PAPPA2: variants seen among roughly 807,000 people sequenced by gnomAD.
PAPPA2 encodes pappalysin 2, also known as pappalysin-2.
PAPPA2 carries 86 observed loss-of-function variants against 176.4 expected under a neutral mutation model. That is an observed-to-expected ratio of 0.49 (90% CI 0.41 to 0.58). PAPPA2 has a LOEUF of 0.58. Among genes scored for constraint, PAPPA2 ranks in the 20% least tolerant of loss-of-function variants. The pLI, the probability that PAPPA2 is intolerant of heterozygous loss-of-function variation, is 0.00. For missense variants in PAPPA2, 2,073 were observed against 2,256.9 expected (o/e 0.92, Z 1.65); for synonymous variants, 809 against 852.2 (o/e 0.95, Z 0.88).
At chr1:176,694,382 C>A (rs978695640) in intron 6 of PAPPA2, among the ~76,000 whole-genome samples, 4 of 152,206 alleles carry the variant, frequency 2.6e-5, no homozygotes, top group Non-Finnish European at 4.4e-5. Flanking sequence ...TACTTAACCT[C>A]TCTGAGCCTG....
rs761005296 is a variant in PAPPA2 at position 176,800,059 on chromosome 1, A to T, written c.5131-2A>T. 12 of 1,614,028 alleles carry T rather than the reference A, an allele frequency of 7.4e-6. No individual in the cohort carries two copies. ...TTCTGTTTTTCCCGTCTTTCCCCTT[A>T]GAGCATTGTGTGCACTGGCCGGCGT... On this transcript the variant is annotated splice_acceptor_variant, in intron 20 of 22. Coordinates refer to ENST00000367662, the MANE Select transcript of PAPPA2 (RefSeq NM_020318.3). LOFTEE classifies it high-confidence loss of function.
At chr1:176,813,998 A>C (rs1666278938) in intron 21 of PAPPA2, among the ~76,000 whole-genome samples, 1 of 152,194 alleles carries the variant, frequency 6.6e-6, no homozygotes, top group South Asian at 2.1e-4. Context: ...AATTTTCTGC[A>C]TATGGCTACC....
chr1:176,479,143 C>T lies in PAPPA2; in HGVS notation c.-917+15725C>T, dbSNP rs545807736. 3.3e-5 allele frequency among the ~76,000 whole-genome samples: 5 copies of T among 152,146 alleles called. No homozygotes were observed. The East Asian group carries it at 9.6e-4, about 29-fold the overall frequency. On this transcript the variant is annotated intron_variant, in intron 1 of 22. Transcript: ENST00000367662. Reference sequence around the variant, plus strand: ...AACCTGTCAGGTAGATACTATTATCCCCATTTTGAAGATGAGGAAACTAAG... The same window carrying T: ...AACCTGTCAGGTAGATACTATTATCTCCATTTTGAAGATGAGGAAACTAAG...
chr1:176,769,555 T>A, intron 15 of PAPPA2, 52 bp from the exon 16 acceptor site: 1 of 1,550,936 alleles, frequency 6.4e-7, no homozygotes, highest in Non-Finnish European at 8.9e-7. Flanking sequence ...TGGAAACTAC[T>A]CTGATACGCC....
chr1:176,721,047 C>G (rs911622115), intron 12 of PAPPA2, among the ~76,000 whole-genome samples: 1 of 152,214 alleles, frequency 6.6e-6, no homozygotes, highest in East Asian at 1.9e-4. Flanking sequence ...CTTCCTCTCT[C>G]AGTCTGCTGA....
At chr1:176,610,126 A>G (rs1331859012) in intron 3 of PAPPA2, among the ~76,000 whole-genome samples, 1 of 152,090 alleles carries the variant, frequency 6.6e-6, no homozygotes, top group Non-Finnish European at 1.5e-5. Context: ...ATAAAAACAT[A>G]AAGCTGAGTA....
chr1:176,474,600 C>G (rs568853286), intron 1 of PAPPA2, among the ~76,000 whole-genome samples: 1 of 152,220 alleles, frequency 6.6e-6, no homozygotes, highest in East Asian at 1.9e-4. Flanking sequence ...TAAAAGGATG[C>G]CCAGCAGGAG....
rs1442060975 is a variant in PAPPA2 at position 176,625,778 on chromosome 1, TG to T, written c.1991+30186del. 2.6e-5 allele frequency among the ~76,000 whole-genome samples: 4 copies of T among 152,198 alleles called. No homozygotes were observed. In the South Asian group the frequency reaches 8.3e-4, roughly 32 times the overall value. ...GCTTACACCAGTAATCCCTGTAGTT[TG>T]GGAGGCCAAAATGGGAGGATCACTT... On this transcript the variant is annotated intron_variant, in intron 3 of 22. Coordinates refer to ENST00000367662, the MANE Select transcript of PAPPA2 (RefSeq NM_020318.3).
intron 2 of PAPPA2, among the ~76,000 whole-genome samples, chr1:176,584,401 G>T (rs918788296): frequency 1.5e-4 from 21 of 143,522 alleles, no homozygotes; most frequent in African/African-American, 5.1e-4. Flanking sequence ...ATGCATTTTT[G>T]TTTTTTTTTT....
intron 1 of PAPPA2, among the ~76,000 whole-genome samples, chr1:176,520,995 C>T (rs1454338029): frequency 6.6e-6 from 1 of 151,940 alleles, no homozygotes; most frequent in Non-Finnish European, 1.5e-5. Flanking sequence ...TAGTGGTTCT[C>T]GTAAGACTTT....
chr1:176,715,972 A>G (rs758230267), intron 12 of PAPPA2, among the ~76,000 whole-genome samples: 2 of 150,888 alleles, frequency 1.3e-5, no homozygotes, highest in Non-Finnish European at 3.0e-5. Flanking sequence ...TATGCTATAC[A>G]TATATTAATA....
rs565070041 is a variant in PAPPA2, at chr1:176,720,995, T to C, written c.3798+9014T>C. On this transcript the variant is annotated intron_variant, in intron 12 of 22. Coordinates refer to ENST00000367662, the MANE Select transcript of PAPPA2 (RefSeq NM_020318.3). ...TTTCACCTGTTTGTTCCATCTGGGC[T>C]CCCAGCTGATTAGATGGCACTCATC... Among the ~76,000 whole-genome samples the C allele has an allele frequency of 2.0e-5, 3 of 152,260 alleles. No individual in the cohort carries two copies. In the East Asian group the frequency reaches 5.8e-4, roughly 29 times the overall value.
intron 7 of PAPPA2, among the ~76,000 whole-genome samples, chr1:176,697,854 A>G (rs1047273120): frequency 1.3e-5 from 2 of 152,114 alleles, no homozygotes; most frequent in Non-Finnish European, 2.9e-5. Context: ...TCACTCCTCT[A>G]TCTCTAATAC....
intron 2 of PAPPA2, among the ~76,000 whole-genome samples, chr1:176,574,619 A>T (rs1652541207): frequency 6.6e-6 from 1 of 152,200 alleles, no homozygotes; most frequent in African/African-American, 2.4e-5. Context: ...GATTCTCATG[A>T]GGCTCCTGAA....
intron 3 of PAPPA2, chr1:176,616,771 G>C (rs1655286031): frequency 1.8e-6 from 2 of 1,092,240 alleles, no homozygotes; most frequent in Non-Finnish European, 2.8e-6. Context: ...ACAGGAGCTG[G>C]GTGGTTCATT....
At chr1:176,760,014 G>T (rs995443315) in intron 14 of PAPPA2, among the ~76,000 whole-genome samples, 1 of 152,152 alleles carries the variant, frequency 6.6e-6, no homozygotes, top group African/African-American at 2.4e-5. Flanking sequence ...TCAGTTCACG[G>T]TGATAGGGGA....
intron 1 of PAPPA2, among the ~76,000 whole-genome samples, chr1:176,482,343 T>C (rs1006776889): frequency 2.6e-5 from 4 of 152,216 alleles, no homozygotes; most frequent in South Asian, 2.1e-4. Context: ...GCAAGTACTG[T>C]TTATTTAGAG....
At chr1:176,674,272 A>T (rs1659166217) in intron 4 of PAPPA2, among the ~76,000 whole-genome samples, 1 of 152,056 alleles carries the variant, frequency 6.6e-6, no homozygotes, top group Non-Finnish European at 1.5e-5. Context: ...TTTTAAAAAC[A>T]TTTCAATAGT....
At chr1:176,496,499 G>A (rs1647629514) in intron 1 of PAPPA2, among the ~76,000 whole-genome samples, 1 of 152,020 alleles carries the variant, frequency 6.6e-6, no homozygotes, top group Non-Finnish European at 1.5e-5. Flanking sequence ...TTTTTGTATT[G>A]CCGAGTGTTC....
Sources: gnomAD v4.1 joint callset for allele counts (sites outside exome capture counted in the v4.1 genomes callset) on GRCh38, gnomAD v4.1.1 for gene constraint, MANE v1.5 for transcripts, NCBI Gene and HGNC (gene_info 2026-07-23, HGNC 2026-07-21) for gene names.